Variants in ZFAT observed in about 807,000 individuals in gnomAD.
ZFAT encodes the protein zinc finger and AT-hook domain containing, also known as zinc finger protein ZFAT.
A neutral mutation model predicts 117.7 loss-of-function variants in ZFAT; 64 were observed. The ratio of observed to expected loss-of-function variants is 0.54; its 90% CI spans 0.44 to 0.67. The LOEUF (loss-of-function observed/expected upper bound fraction) is 0.67, where lower values mean the gene tolerates loss of function less well. Among genes scored for constraint, ZFAT ranks in the 30% least tolerant of loss-of-function variants. The probability of loss-of-function intolerance (pLI) is 0.00; values close to 1 mark genes in which losing one functional copy is unlikely to be tolerated. For synonymous variants in ZFAT, 679 were observed against 615.0 expected (o/e 1.10, Z -1.54); for missense variants, 1,433 against 1,584.5 (o/e 0.90, Z 1.62).
intron 1 of ZFAT, among the ~76,000 whole-genome samples, chr8:134,704,431 T>C (rs1275804014): frequency 1.3e-5 from 2 of 152,144 alleles, no homozygotes; most frequent in African/African-American, 4.8e-5. Context: ...TGCAGGTCCC[T>C]AAGGTAAAAG....
chr8:134,548,199 G>T (rs1822844445), intron 11 of ZFAT, among the ~76,000 whole-genome samples: 1 of 152,184 alleles, frequency 6.6e-6, no homozygotes, highest in Admixed American at 6.5e-5. Context: ...GGTGCTGGGA[G>T]TAAGACAAAA....
intron 12 of ZFAT, among the ~76,000 whole-genome samples, chr8:134,530,272 A>C (rs1389673836): frequency 6.6e-6 from 1 of 152,224 alleles, no homozygotes; most frequent in Non-Finnish European, 1.5e-5. Flanking sequence ...TCATGAAGAT[A>C]TTTTTGGGGG....
At chr8:134,666,002 C>T (rs562967458) in intron 1 of ZFAT, among the ~76,000 whole-genome samples, 124 of 152,298 alleles carry the variant, frequency 8.1e-4, no homozygotes, top group African/African-American at 2.9e-3. Flanking sequence ...CTTCCCATTC[C>T]CAGCTGGGCT....
chr8:134,745,144 C>A, the ZFAT span, among the ~76,000 whole-genome samples: 10 of 152,284 alleles, frequency 6.6e-5, no homozygotes, highest in African/African-American at 2.4e-4. Flanking sequence ...TCCCTTCACC[C>A]CTTTACCTAA....
chr8:134,538,384 G>A (rs1465583466), intron 11 of ZFAT, among the ~76,000 whole-genome samples: 1 of 152,176 alleles, frequency 6.6e-6, no homozygotes, highest in Non-Finnish European at 1.5e-5. Flanking sequence ...AAGAGGTTCA[G>A]CAGCATGAGA....
intron 15 of ZFAT, among the ~76,000 whole-genome samples, chr8:134,507,559 A>G (rs568878177): frequency 9.8e-5 from 15 of 152,352 alleles, no homozygotes; most frequent in Non-Finnish European, 2.9e-5. Flanking sequence ...GAAGGGCGGC[A>G]CTGTTTTCTC....
At chr8:134,489,663 C>T (rs538379199) in intron 15 of ZFAT, among the ~76,000 whole-genome samples, 3 of 152,314 alleles carry the variant, frequency 2.0e-5, no homozygotes, top group Middle Eastern at 3.4e-3. Flanking sequence ...CTCTCCACAT[C>T]CCCTCCTTCC....
rs372019943 is a variant in ZFAT at position 134,538,523 on chromosome 8, C to T, written c.2977-5551G>A. ...TTCTCAAAAGGTATATTGGGCCAGGCGCAGTGGCTCACGCCTGTAATCCCA... is the reference window on the plus strand; with the variant it reads ...TTCTCAAAAGGTATATTGGGCCAGGTGCAGTGGCTCACGCCTGTAATCCCA... On this transcript the variant is annotated intron_variant, in intron 11 of 15. Coordinates refer to ENST00000377838, the MANE Select transcript of ZFAT (RefSeq NM_020863.4). 3.9e-5 allele frequency among the ~76,000 whole-genome samples: 6 copies of T among 152,252 alleles called. No homozygotes were observed. The East Asian group carries it at 5.8e-4, about 15-fold the overall frequency.
chr8:134,601,424 C>T, intron 6 of ZFAT, 53 bp downstream of exon 6: 1 of 1,542,474 alleles, frequency 6.5e-7, no homozygotes, highest in African/African-American at 1.4e-5. Context: ...TGCGAGGTGA[C>T]CACAGCATGA....
At chr8:134,674,464 G>C (rs1290114951) in intron 1 of ZFAT, among the ~76,000 whole-genome samples, 2 of 152,194 alleles carry the variant, frequency 1.3e-5, no homozygotes, top group Non-Finnish European at 2.9e-5. Flanking sequence ...TACCCTCACA[G>C]TGTAACAAAA....
At chr8:134,522,135 C>A (rs1210506085) in intron 12 of ZFAT, among the ~76,000 whole-genome samples, 1 of 152,248 alleles carries the variant, frequency 6.6e-6, no homozygotes, top group East Asian at 1.9e-4. Context: ...TCCGCTAAGT[C>A]CTCCCAAGTG....
chr8:134,494,107 T>C (rs926728522), intron 15 of ZFAT, among the ~76,000 whole-genome samples: 7 of 152,082 alleles, frequency 4.6e-5, no homozygotes, highest in African/African-American at 1.7e-4. Flanking sequence ...TCTACAGCAT[T>C]GCCCGGTCCT....
chr8:134,480,940 G>C (rs756380106), intron 15 of ZFAT, among the ~76,000 whole-genome samples: 8 of 152,170 alleles, frequency 5.3e-5, no homozygotes, highest in Admixed American at 4.6e-4. Flanking sequence ...AAATGGAAAA[G>C]GTTCCTCTGG....
At chr8:134,733,041 G>T in the ZFAT span, among the ~76,000 whole-genome samples, 2 of 152,292 alleles carry the variant, frequency 1.3e-5, no homozygotes, top group Admixed American at 1.3e-4. Context: ...GTGTTCATTA[G>T]AGGGGAAACT....
chr8:134,503,961 C>CAT (rs1819194840), intron 15 of ZFAT, among the ~76,000 whole-genome samples: 1 of 152,110 alleles, frequency 6.6e-6, no homozygotes, highest in South Asian at 2.1e-4. Flanking sequence ...CACACACACC[C>CAT]CTATGAGTTC....
intron 15 of ZFAT, among the ~76,000 whole-genome samples, chr8:134,488,939 A>T (rs1387616874): frequency 1.4e-5 from 2 of 147,634 alleles, no homozygotes; most frequent in African/African-American, 5.0e-5. Flanking sequence ...GATTCAGTAT[A>T]TCCAGAGCAC....
At chr8:134,549,191 C>A (rs372899336) in intron 11 of ZFAT, among the ~76,000 whole-genome samples, 2 of 152,122 alleles carry the variant, frequency 1.3e-5, no homozygotes, top group East Asian at 3.8e-4. Flanking sequence ...TCTGTAATCC[C>A]AGCACTTTGG....
In ZFAT at chr8:134,626,445, G is replaced by C. The variant is rs528891211; in HGVS notation, c.448+11016C>G. Among the ~76,000 whole-genome samples, 22 of 152,362 alleles carry C rather than the reference G, an allele frequency of 1.4e-4. No individual in the cohort carries two copies. The South Asian group carries it at 4.6e-3, about 32-fold the overall frequency. ...AGCCTCAGCTTCTTCATCTAAAAAA[G>C]AGAATGGTGCCCTGCCCCAGTGGTC... On this transcript the variant is annotated intron_variant, in intron 3 of 15. Transcript: ENST00000377838.
At chr8:134,500,133 T>C (rs886340957) in intron 15 of ZFAT, among the ~76,000 whole-genome samples, 3 of 152,104 alleles carry the variant, frequency 2.0e-5, no homozygotes, top group Admixed American at 6.5e-5. Context: ...AAACTTGAAA[T>C]AGACCAAGTG....
Sources: allele counts gnomAD v4.1 joint callset (sites outside exome capture counted in the v4.1 genomes callset), GRCh38; gene constraint gnomAD v4.1.1; transcripts MANE v1.5; gene names NCBI Gene and HGNC (gene_info 2026-07-23, HGNC 2026-07-21).